The following P3H2 variants were observed in gnomAD, a reference collection of about 807,000 sequenced individuals.
P3H2 encodes prolyl 3-hydroxylase 2.
A neutral mutation model predicts 87.0 loss-of-function variants in P3H2; 80 were observed. The ratio of observed to expected loss-of-function variants is 0.92; its 90% CI spans 0.77 to 1.11. P3H2 has a LOEUF of 1.11. P3H2 is among the 50% of genes least tolerant of loss of function. The probability of loss-of-function intolerance (pLI) is 0.00; values close to 1 mark genes in which losing one functional copy is unlikely to be tolerated. For synonymous variants in P3H2, 367 were observed against 359.3 expected (o/e 1.02, Z -0.24); for missense variants, 1,001 against 923.9 (o/e 1.08, Z -1.08).
rs922129395 is a variant in P3H2, at chr3:189,956,866, G to T, written c.*1046C>A. On this transcript the variant is annotated 3_prime_UTR_variant, in exon 15 of 15. Coordinates refer to ENST00000319332, the MANE Select transcript of P3H2 (RefSeq NM_018192.4). Reference sequence around the variant, plus strand: ...TCAGAAATTTATTTTTCTTATGTAAGTACAAAACACCTCTTTTCATCAGTG... The same window carrying T: ...TCAGAAATTTATTTTTCTTATGTAATTACAAAACACCTCTTTTCATCAGTG... 18 of 373,242 alleles carry T rather than the reference G, an allele frequency of 4.8e-5. No homozygotes were observed. The highest frequency in any genetic ancestry group is 8.1e-5 in the Non-Finnish European group (17 of 211,016). The allele number at this position is 373,242 out of a possible 1,614,324, so 23.1% of individuals were successfully genotyped here.
intron 1 of P3H2, among the ~76,000 whole-genome samples, chr3:190,114,470 A>G (rs1036007461): frequency 3.9e-5 from 6 of 152,108 alleles, no homozygotes; most frequent in South Asian, 2.1e-4. Context: ...ACAGGCTTGA[A>G]CCACCATGCC....
chr3:190,120,127 G>T (rs958192469), intron 1 of P3H2, 125 bp downstream of exon 1: 1 of 1,099,590 alleles, frequency 9.1e-7, no homozygotes, highest in African/African-American at 1.6e-5. Flanking sequence ...TTCACAAACT[G>T]AGACACATAT....
intron 1 of P3H2, among the ~76,000 whole-genome samples, chr3:190,087,265 G>C (rs1050298756): frequency 6.6e-6 from 1 of 152,056 alleles, no homozygotes; most frequent in Admixed American, 6.6e-5. Flanking sequence ...GGCCGGGTGC[G>C]GTGGCTCACG....
chr3:190,034,086 A>C (rs957517912), intron 1 of P3H2, among the ~76,000 whole-genome samples: 1 of 152,258 alleles, frequency 6.6e-6, no homozygotes, highest in Non-Finnish European at 1.5e-5. Flanking sequence ...TTATAAAAAA[A>C]GATTTAATGT....
rs3062120 is a variant in P3H2 at position 190,012,207 on chromosome 3, GGTGTGTGT to G, written c.481-16773_481-16766del. On this transcript the variant is annotated intron_variant, in intron 1 of 14. Coordinates refer to ENST00000319332, the MANE Select transcript of P3H2 (RefSeq NM_018192.4). ...AGGTGTGTGCCTGTGTGTAGGTAAAGGTGTGTGTGTGTGTGTGTGTGTGTGTGTGTGTG... is the reference window on the plus strand; with the variant it reads ...AGGTGTGTGCCTGTGTGTAGGTAAAGGTGTGTGTGTGTGTGTGTGTGTGTG... Among the ~76,000 whole-genome samples the G allele has an allele frequency of 6.0e-3, 867 of 145,388 alleles. 7 individuals carry two copies. Among genetic ancestry groups the G allele is most frequent in the African/African-American group, 0.018 (714 of 38,940 alleles).
At chr3:190,067,172 G>C (rs1422631456) in intron 1 of P3H2, among the ~76,000 whole-genome samples, 1 of 151,750 alleles carries the variant, frequency 6.6e-6, no homozygotes, top group East Asian at 1.9e-4. Context: ...TATTATTTGT[G>C]TATTTTTGTA....
At chr3:189,966,245 C>G (rs1723003794) in intron 13 of P3H2, among the ~76,000 whole-genome samples, 4 of 152,202 alleles carry the variant, frequency 2.6e-5, no homozygotes, top group Admixed American at 1.3e-4. Context: ...GTTTTCTGGG[C>G]TGCCCACTCC....
intron 3 of P3H2, among the ~76,000 whole-genome samples, chr3:189,989,508 A>C (rs2108920566): frequency 6.6e-6 from 1 of 152,350 alleles, no homozygotes; most frequent in South Asian, 2.1e-4. Flanking sequence ...TGGAAAATTC[A>C]GGCTGAGAAG....
At chr3:190,025,310 T>A (rs1448766849) in intron 1 of P3H2, among the ~76,000 whole-genome samples, 1 of 152,178 alleles carries the variant, frequency 6.6e-6, no homozygotes. Context: ...TTTCGCAGGC[T>A]AAAAAAACCA....
At chr3:189,972,643 G>A (rs1043693959) in intron 11 of P3H2, among the ~76,000 whole-genome samples, 1 of 152,194 alleles carries the variant, frequency 6.6e-6, no homozygotes, top group Non-Finnish European at 1.5e-5. Context: ...AGCAATTGGG[G>A]AAAATTGATT....
At chr3:190,015,071 C>A (rs558367190) in intron 1 of P3H2, among the ~76,000 whole-genome samples, 81 of 152,106 alleles carry the variant, frequency 5.3e-4, no homozygotes, top group Non-Finnish European at 7.6e-4. Flanking sequence ...GGATGGAGTG[C>A]AGGGCTGATC....
intron 1 of P3H2, among the ~76,000 whole-genome samples, chr3:190,037,502 T>C (rs1725462387): frequency 6.6e-6 from 1 of 152,196 alleles, no homozygotes; most frequent in African/African-American, 2.4e-5. Flanking sequence ...GCTCAGATTT[T>C]AGCAAATAGT....
At chr3:190,067,052 C>T (rs1177243366) in intron 1 of P3H2, among the ~76,000 whole-genome samples, 1 of 145,702 alleles carries the variant, frequency 6.9e-6, no homozygotes, top group Non-Finnish European at 1.5e-5. Context: ...GTTTTGTTGC[C>T]CAGCCTGGTC....
chr3:189,984,576 T>C lies in P3H2; in HGVS notation c.1203A>G (p.Arg401=). Residue 401 remains arginine (R), a synonymous_variant, in exon 7 of 15, where the codon AGA becomes AGG. Coordinates refer to ENST00000319332, the MANE Select transcript of P3H2 (RefSeq NM_018192.4). ...FSYTEPNYWI[R]YGGRQDENRV... ...GATTCTCATCCTGTCGTCCTCCATA[T>C]CTGATCCAATAATTCTGTTTTGAAT... 6.2e-7 allele frequency: 1 copy of C among 1,607,982 alleles called. No individual in the cohort carries two copies. Among genetic ancestry groups the C allele is most frequent in the Non-Finnish European group, 8.5e-7 (1 of 1,177,826 alleles).
intron 10 of P3H2, among the ~76,000 whole-genome samples, chr3:189,973,507 C>CTTTT (rs879286759): frequency 0.018 from 1,397 of 78,668 alleles, 119 homozygotes; most frequent in Middle Eastern, 0.026. Flanking sequence ...TTCTTTCTTT[C>CTTTT]TTTCTTTTTT....
intron 1 of P3H2, among the ~76,000 whole-genome samples, chr3:190,051,610 G>C (rs956800649): frequency 1.6e-4 from 24 of 152,328 alleles, no homozygotes; most frequent in Middle Eastern, 3.4e-3. Context: ...TCTTGTAACT[G>C]ATCTTCAAAA....
intron 6 of P3H2, among the ~76,000 whole-genome samples, chr3:189,985,935 T>A (rs1228746548): frequency 2.0e-5 from 3 of 152,188 alleles, no homozygotes; most frequent in African/African-American, 7.2e-5. Flanking sequence ...ATGTAGAAAT[T>A]TCTTATGGTA....
At chr3:190,115,377 A>C (rs1712248783) in intron 1 of P3H2, among the ~76,000 whole-genome samples, 1 of 151,396 alleles carries the variant, frequency 6.6e-6, no homozygotes, top group Admixed American at 6.6e-5. Context: ...AAAATGAATA[A>C]ATAAACAGCA....
intron 1 of P3H2, among the ~76,000 whole-genome samples, chr3:190,055,884 G>C (rs188830150): frequency 6.6e-6 from 1 of 152,252 alleles, no homozygotes; most frequent in Non-Finnish European, 1.5e-5. Flanking sequence ...TTGTAATTGG[G>C]ATTTACTTGT....
Sources: gnomAD v4.1 joint callset for allele counts (sites outside exome capture counted in the v4.1 genomes callset) on GRCh38, gnomAD v4.1.1 for gene constraint, MANE v1.5 for transcripts, NCBI Gene and HGNC (gene_info 2026-07-23, HGNC 2026-07-21) for gene names.